Variants in DHRS7B observed in about 807,000 individuals in gnomAD.
The protein encoded by DHRS7B is peroxisomal reductase activating PPAR-gamma.
A neutral mutation model predicts 26.4 loss-of-function variants in DHRS7B; 24 were observed. The ratio of observed to expected loss-of-function variants is 0.91; its 90% CI spans 0.66 to 1.28. The LOEUF is 1.28. Among genes scored for constraint, DHRS7B ranks in the 50% most tolerant of loss-of-function variants. The pLI is 0.00. For synonymous variants in DHRS7B, 142 were observed against 166.4 expected, an observed-to-expected ratio of 0.85 and a Z score of 1.13; for missense variants, 368 against 419.4, an observed-to-expected ratio of 0.88 and a Z score of 1.07.
intron 1 of DHRS7B, among the ~76,000 whole-genome samples, chr17:21,144,537 G>A (rs1973598489): frequency 6.6e-6 from 1 of 152,168 alleles, no homozygotes; most frequent in Admixed American, 6.5e-5. Context: ...GATTTTCCAG[G>A]CTGGGCATGG....
chr17:21,148,203 C>A (rs944638655), intron 1 of DHRS7B, among the ~76,000 whole-genome samples: 16 of 151,892 alleles, frequency 1.1e-4, no homozygotes, highest in African/African-American at 3.6e-4. Flanking sequence ...GGAGAAGCCA[C>A]CATGCCCAGC....
chr17:21,142,039 G>A (rs781406149), intron 1 of DHRS7B, among the ~76,000 whole-genome samples: 16 of 152,096 alleles, frequency 1.1e-4, no homozygotes, highest in African/African-American at 2.9e-4. Context: ...GACAAGCTGC[G>A]GACAAAACCC....
chr17:21,188,926 GCT>G, intron 6 of DHRS7B, 63 bp downstream of exon 6: 14 of 1,585,122 alleles, frequency 8.8e-6, no homozygotes, highest in Non-Finnish European at 1.2e-5. Context: ...GAGACATGCT[GCT>G]CTTACTTCAG....
At chr17:21,141,640 A>AAAAAAAAAAAAACAAAAAG in intron 1 of DHRS7B, among the ~76,000 whole-genome samples, 1 of 90,078 alleles carries the variant, frequency 1.1e-5, no homozygotes, top group Admixed American at 1.4e-4. Flanking sequence ...AAAAAAAAAA[A>AAAAAAAAAAAAACAAAAAG]CAACCTCATC....
intron 1 of DHRS7B, among the ~76,000 whole-genome samples, chr17:21,130,395 T>A (rs930413901): frequency 9.9e-5 from 15 of 151,742 alleles, no homozygotes; most frequent in African/African-American, 2.2e-4. Flanking sequence ...CCTCAAAAAA[T>A]AAATAAATAA....
intron 5 of DHRS7B, among the ~76,000 whole-genome samples, chr17:21,187,163 T>A (rs980639492): frequency 6.6e-6 from 1 of 150,686 alleles, no homozygotes; most frequent in Non-Finnish European, 1.5e-5. Context: ...AATATATTTT[T>A]AAAAAATCAC....
At chr17:21,154,311 CAA>C (rs879676183) in intron 1 of DHRS7B, among the ~76,000 whole-genome samples, 1 of 123,178 alleles carries the variant, frequency 8.1e-6, no homozygotes, top group Non-Finnish European at 1.7e-5. Context: ...GCTCTCTCTC[CAA>C]AAAAAAAAAA....
intron 3 of DHRS7B, among the ~76,000 whole-genome samples, chr17:21,182,136 A>C (rs1327133822): frequency 6.6e-6 from 1 of 152,232 alleles, no homozygotes; most frequent in Non-Finnish European, 1.5e-5. Flanking sequence ...TATGTTTACC[A>C]TGAAAGGGTG....
chr17:21,188,086 G>A (rs1381865537), intron 5 of DHRS7B, among the ~76,000 whole-genome samples: 1 of 151,968 alleles, frequency 6.6e-6, no homozygotes, highest in Non-Finnish European at 1.5e-5. Flanking sequence ...TCCTGACCTC[G>A]TGATCCGCTC....
At chr17:21,132,502 G>A (rs1973256393) in intron 1 of DHRS7B, among the ~76,000 whole-genome samples, 1 of 132,158 alleles carries the variant, frequency 7.6e-6, no homozygotes, top group Non-Finnish European at 1.6e-5. Flanking sequence ...CTGCACCCCA[G>A]CCTAGGTGGC....
intron 1 of DHRS7B, among the ~76,000 whole-genome samples, chr17:21,153,182 G>A (rs918869178): frequency 4.6e-5 from 7 of 152,110 alleles, no homozygotes; most frequent in African/African-American, 1.4e-4. Context: ...GATGGGTAAT[G>A]TAAATAGAAA....
At position 21,184,290 on chromosome 17, in the gene DHRS7B, A is replaced by G. The variant is rs555939096; in HGVS notation, c.527-81A>G. ...TCTCCCTCATTCTGACTAAATATCA[A>G]AAGCAAGGTCGCCTTCCATCAGCAT... On this transcript the variant is annotated intron_variant, in intron 4 of 6. Coordinates refer to ENST00000395511, the MANE Select transcript of DHRS7B (RefSeq NM_015510.5). 32 of 1,284,686 alleles carry G rather than the reference A, an allele frequency of 2.5e-5. No individual in the cohort carries two copies. In the African/African-American group the frequency reaches 4.3e-4, roughly 17 times the overall value. 79.6% of individuals were successfully genotyped at this position (1,284,686 alleles called of 1,614,324 possible).
At chr17:21,168,802 C>A (rs1974171384) in intron 1 of DHRS7B, 1 of 985,374 alleles carries the variant, frequency 1.0e-6, no homozygotes, top group African/African-American at 1.7e-5. Flanking sequence ...CCATGTTTGC[C>A]TCAGGCAAAG....
At chr17:21,184,737 G>T (rs1597758594) in intron 5 of DHRS7B, among the ~76,000 whole-genome samples, 1 of 152,300 alleles carries the variant, frequency 6.6e-6, no homozygotes, top group East Asian at 1.9e-4. Flanking sequence ...CCGGAGGACT[G>T]CTGTGAGCGC....
At chr17:21,138,687 T>G (rs1973422349) in intron 1 of DHRS7B, among the ~76,000 whole-genome samples, 1 of 152,204 alleles carries the variant, frequency 6.6e-6, no homozygotes, top group Admixed American at 6.5e-5. Context: ...TTCTGGTTCC[T>G]TTTACCTTGT....
intron 2 of DHRS7B, among the ~76,000 whole-genome samples, chr17:21,176,686 A>T (rs1974386500): frequency 6.6e-6 from 1 of 151,848 alleles, no homozygotes; most frequent in African/African-American, 2.4e-5. Context: ...GTGGTAAGAG[A>T]TTACCTACCT....
intron 1 of DHRS7B, among the ~76,000 whole-genome samples, chr17:21,163,989 A>G (rs1349364328): frequency 7.1e-6 from 1 of 141,472 alleles, no homozygotes; most frequent in Non-Finnish European, 1.5e-5. Context: ...GCACCTGGCT[A>G]TGCTGCTCAA....
chr17:21,146,496 A>T (rs1208206687), intron 1 of DHRS7B, among the ~76,000 whole-genome samples: 1 of 152,246 alleles, frequency 6.6e-6, no homozygotes, highest in African/African-American at 2.4e-5. Flanking sequence ...CATTTTGCAG[A>T]TGAGGAAACT....
intron 1 of DHRS7B, among the ~76,000 whole-genome samples, chr17:21,148,501 C>T (rs1973689833): frequency 6.6e-6 from 1 of 152,124 alleles, no homozygotes; most frequent in Admixed American, 6.6e-5. Flanking sequence ...GTTCCCAGCA[C>T]TTTGGGAGGC....
Sources: allele counts gnomAD v4.1 joint callset (sites outside exome capture counted in the v4.1 genomes callset), GRCh38; gene constraint gnomAD v4.1.1; transcripts MANE v1.5; gene names NCBI Gene and HGNC (gene_info 2026-07-23, HGNC 2026-07-21).